EFTUD2: variants seen among roughly 807,000 people sequenced by gnomAD.
EFTUD2 encodes elongation factor Tu GTP binding domain containing 2.
A neutral mutation model predicts 114.3 loss-of-function variants in EFTUD2; 9 were observed. The observed-to-expected ratio is 0.08, with a 90% confidence interval of 0.05 to 0.14. EFTUD2 has a LOEUF of 0.14. Among genes scored for constraint, EFTUD2 ranks in the 10% least tolerant of loss-of-function variants. EFTUD2 has a pLI of 1.00. For synonymous variants in EFTUD2, 449 were observed against 462.3 expected, an observed-to-expected ratio of 0.97 and a Z score of 0.37; for missense variants, 765 against 1,241.2, an observed-to-expected ratio of 0.62 and a Z score of 5.76.
intron 23 of EFTUD2, chr17:44,853,913 T>A (rs749631694): frequency 2.3e-5 from 32 of 1,366,352 alleles, no homozygotes; most frequent in African/African-American, 2.9e-5. Flanking sequence ...TACATTTTTG[T>A]GGATGTAGAA....
rs368015393 is a variant in EFTUD2, at chr17:44,859,053, C to T, written c.1962+27G>A. The T allele has an allele frequency of 6.0e-6, 9 of 1,509,972 alleles. No homozygotes were observed. In the African/African-American group the frequency reaches 1.1e-4, roughly 18 times the overall value. 93.5% of individuals were successfully genotyped at this position (1,509,972 alleles called of 1,614,324 possible). ...ACTTGTGAAAAGTCTGGACCGTGAA[C>T]CCAGCTCCCGGCAGATACTGCTGTA... On this transcript the variant is annotated intron_variant, in intron 19 of 27. Transcript: ENST00000426333.
chr17:44,866,643 C>T (rs987614670), intron 13 of EFTUD2, among the ~76,000 whole-genome samples: 9 of 152,048 alleles, frequency 5.9e-5, no homozygotes, highest in Non-Finnish European at 1.2e-4. Context: ...CCTCCCAAAG[C>T]GTCTGGATTA....
chr17:44,897,774 C>G (rs1182019607), intron 1 of EFTUD2, among the ~76,000 whole-genome samples: 1 of 152,158 alleles, frequency 6.6e-6, no homozygotes, highest in Non-Finnish European at 1.5e-5. Context: ...CCATGTTGGC[C>G]AGGCAGTCTC....
Position 44,883,120 on chromosome 17 carries a change from C to T in EFTUD2, c.465G>A (p.Pro155=), listed in dbSNP as rs755821496. The T allele has an allele frequency of 4.3e-6, 7 of 1,613,956 alleles. No homozygotes were observed. The highest frequency in any genetic ancestry group is 5.9e-6 in the Non-Finnish European group (7 of 1,180,012). Reference sequence around the variant, plus strand: ...CTTGGTCATAGCGCTTTCTGATTTCCGGGTGAGTCTGTTCAATTAAACAAT... The same window carrying T: ...CTTGGTCATAGCGCTTTCTGATTTCTGGGTGAGTCTGTTCAATTAAACAAT... ...FVDCLIEQTH[P]EIRKRYDQDL... is the part of the protein sequence containing the mutation. Residue 155 remains proline, a synonymous_variant, in exon 6 of 28, where the codon CCG becomes CCA. Coordinates refer to ENST00000426333, the MANE Select transcript of EFTUD2 (RefSeq NM_004247.4).
intron 10 of EFTUD2, 54 bp downstream of exon 10, chr17:44,875,880 G>C: frequency 1.3e-6 from 2 of 1,588,756 alleles, no homozygotes; most frequent in Non-Finnish European, 1.7e-6. Flanking sequence ...AGGTATTCAG[G>C]GTTAAAACCC....
chr17:44,892,176 A>C (rs1445197587), intron 2 of EFTUD2: 1 of 152,208 alleles, frequency 6.6e-6, no homozygotes, highest in African/African-American at 2.4e-5. Context: ...TCTGTTCTCT[A>C]TCTTTACCCA....
intron 13 of EFTUD2, among the ~76,000 whole-genome samples, chr17:44,865,671 G>T (rs1462815221): frequency 6.6e-6 from 1 of 152,072 alleles, no homozygotes; most frequent in African/African-American, 2.4e-5. Flanking sequence ...CACACATTTT[G>T]TGTATGTGTG....
intron 14 of EFTUD2, among the ~76,000 whole-genome samples, chr17:44,864,715 A>G (rs1418454448): frequency 6.6e-6 from 1 of 152,158 alleles, no homozygotes; most frequent in Non-Finnish European, 1.5e-5. Flanking sequence ...CTGGCAGGAA[A>G]ATGTAATTCC....
intron 12 of EFTUD2, 35 bp from the exon 13 acceptor site, chr17:44,867,932 GA>G: frequency 7.2e-6 from 11 of 1,529,508 alleles, no homozygotes; most frequent in Non-Finnish European, 7.1e-6. Context: ...TGACCCAGGG[GA>G]AAAGGCACTA....
At chr17:44,892,631 CTTTTTT>C (rs967860195) in intron 2 of EFTUD2, among the ~76,000 whole-genome samples, 1 of 101,376 alleles carries the variant, frequency 9.9e-6, no homozygotes, top group East Asian at 3.2e-4. Context: ...ACTGTAAAAC[CTTTTTT>C]TTTTTTTTTT....
In EFTUD2 at chr17:44,881,704, G is replaced by A. The variant is rs1015891167; in HGVS notation, c.511C>T (p.Leu171Phe). ...ATGCTTACCTCTTGCTCTGTGAAGAGGATGTCAGTATAGCACAGCTGAAAA... is the reference window on the plus strand; with the variant it reads ...ATGCTTACCTCTTGCTCTGTGAAGAAGATGTCAGTATAGCACAGCTGAAAA... Reference protein sequence around the residue: ...YDQDLCYTDILFTEQERGVGI... With the variant: ...YDQDLCYTDIFFTEQERGVGI... Residue 171 changes from leucine (L) to phenylalanine (F), a missense_variant, in exon 7 of 28, where the codon CTC becomes TTC. Transcript: ENST00000426333. The A allele has an allele frequency of 4.3e-6, 7 of 1,614,182 alleles. No homozygotes were observed. The highest frequency in any genetic ancestry group is 5.9e-6 in the Non-Finnish European group (7 of 1,180,020).
chr17:44,885,873 C>A (rs1055992824), intron 3 of EFTUD2, among the ~76,000 whole-genome samples: 1 of 152,076 alleles, frequency 6.6e-6, no homozygotes, highest in Non-Finnish European at 1.5e-5. Context: ...AAGCGATCCT[C>A]CTGCTCTGGC....
At chr17:44,871,270 C>T (rs184869481) in intron 11 of EFTUD2, among the ~76,000 whole-genome samples, 1 of 152,124 alleles carries the variant, frequency 6.6e-6, no homozygotes, top group Non-Finnish European at 1.5e-5. Flanking sequence ...AGTGATCCGC[C>T]TGCCTCAGCT....
Position 44,854,174 on chromosome 17 carries a change from C to A in EFTUD2, c.2347+95G>T. Reference sequence around the variant, plus strand: ...GTCCTGTGTACCCCAAGCTGCTTCTCCTGCCGAATCCTAAAGATGGTGAGC... The same window carrying A: ...GTCCTGTGTACCCCAAGCTGCTTCTACTGCCGAATCCTAAAGATGGTGAGC... On this transcript the variant is annotated intron_variant, in intron 23 of 27. Transcript: ENST00000426333. This position sits in a 1 kb window ranked among gnomAD's most constrained non-coding sequence, Gnocchi z 4.3. The A allele has an allele frequency of 5.5e-6, 8 of 1,446,942 alleles. No homozygotes were observed. The highest frequency in any genetic ancestry group is 2.2e-5 in the Admixed American group (1 of 44,822). The allele number at this position is 1,446,942 out of a possible 1,614,324, so 89.6% of individuals were successfully genotyped here.
intron 10 of EFTUD2, among the ~76,000 whole-genome samples, chr17:44,873,892 C>T (rs532430267): frequency 3.3e-5 from 5 of 151,430 alleles, no homozygotes; most frequent in Admixed American, 2.6e-4. Context: ...CCACCAAGCC[C>T]GGCTAATTTT....
intron 11 of EFTUD2, among the ~76,000 whole-genome samples, chr17:44,870,005 C>G (rs1023910271): frequency 4.6e-5 from 7 of 152,188 alleles, no homozygotes; most frequent in Non-Finnish European, 1.0e-4. Flanking sequence ...ATTCTAGTTC[C>G]TACTCTATTA....
At chr17:44,877,405 A>G (rs558199580) in intron 9 of EFTUD2, among the ~76,000 whole-genome samples, 10 of 152,260 alleles carry the variant, frequency 6.6e-5, no homozygotes, top group Non-Finnish European at 1.3e-4. Context: ...ACCGGAATCC[A>G]TAAGGACAGT....
intron 6 of EFTUD2, among the ~76,000 whole-genome samples, chr17:44,882,202 G>T (rs2051084168): frequency 6.6e-6 from 1 of 152,128 alleles, no homozygotes; most frequent in Admixed American, 6.6e-5. Context: ...CCAAAGTGCT[G>T]GGATTACAGG....
intron 19 of EFTUD2, among the ~76,000 whole-genome samples, chr17:44,858,215 C>T (rs1343337125): frequency 1.3e-5 from 2 of 152,058 alleles, no homozygotes; most frequent in African/African-American, 4.8e-5. Flanking sequence ...AGCCACCGTG[C>T]TCGGCCTGTT....
Sources: allele counts gnomAD v4.1 joint callset (sites outside exome capture counted in the v4.1 genomes callset), GRCh38; gene constraint gnomAD v4.1.1; non-coding constraint Gnocchi (gnomAD v3.1); transcripts MANE v1.5; gene names NCBI Gene and HGNC (gene_info 2026-07-23, HGNC 2026-07-21).